The following QDPR variants were observed in gnomAD, a reference collection of about 807,000 sequenced individuals.
The protein encoded by QDPR is quinoid dihydropteridine reductase, also known as dihydropteridine reductase.
QDPR carries 23 observed loss-of-function variants against 31.7 expected under a neutral mutation model. The observed-to-expected ratio is 0.73, with a 90% CI of 0.52 to 1.03. The LOEUF (loss-of-function observed/expected upper bound fraction) is 1.03, where lower values mean the gene tolerates loss of function less well. Among genes scored for constraint, QDPR ranks in the 50% least tolerant of loss-of-function variants. The probability of loss-of-function intolerance (pLI) is 0.00; values close to 1 mark genes in which losing one functional copy is unlikely to be tolerated. For missense variants in QDPR, 324 were observed against 323.8 expected, an observed-to-expected ratio of 1.00 and a Z score of 0.00; for synonymous variants, 124 against 124.7, an observed-to-expected ratio of 0.99 and a Z score of 0.03.
In QDPR at chr4:17,486,531, A is replaced by C. The variant is rs919682064; in HGVS notation, c.*600T>G. 1 of 155,350 alleles carries C rather than the reference A, an allele frequency of 6.4e-6. No homozygotes were observed. The highest frequency in any genetic ancestry group is 1.4e-5 in the Non-Finnish European group (1 of 69,834). The allele number at this position is 155,350 out of a possible 1,614,324, so 9.6% of individuals were successfully genotyped here. On this transcript the variant is annotated 3_prime_UTR_variant, in exon 7 of 7. Coordinates refer to ENST00000281243, the MANE Select transcript of QDPR (RefSeq NM_000320.3). ...TATATAAGATGTGATTTGATTAAAG[A>C]AGACAGACAACAAGTGCATTTATTA...
intron 4 of QDPR, among the ~76,000 whole-genome samples, chr4:17,499,838 G>C (rs1203194730): frequency 6.6e-6 from 1 of 152,154 alleles, no homozygotes; most frequent in Non-Finnish European, 1.5e-5. Context: ...AGGATTGCTT[G>C]AGCCCAGGAG....
chr4:17,499,273 C>G (rs1718475080), intron 4 of QDPR, among the ~76,000 whole-genome samples: 1 of 152,194 alleles, frequency 6.6e-6, no homozygotes, highest in South Asian at 2.1e-4. Context: ...TGCACAGTTC[C>G]AGAGCCTGCA....
chr4:17,493,573 CT>C (rs377589532), intron 4 of QDPR, among the ~76,000 whole-genome samples: 3 of 152,000 alleles, frequency 2.0e-5, no homozygotes, highest in Non-Finnish European at 4.4e-5. Flanking sequence ...CAGGCAAACG[CT>C]TTTTTTATAG....
chr4:17,499,794 T>C (rs1718494951), intron 4 of QDPR, among the ~76,000 whole-genome samples: 1 of 152,046 alleles, frequency 6.6e-6, no homozygotes, highest in Non-Finnish European at 1.5e-5. Context: ...GCAGTGTGTG[T>C]CTGCAGTCCC....
chr4:17,502,251 T>C (rs983396880), intron 3 of QDPR, among the ~76,000 whole-genome samples: 8 of 152,234 alleles, frequency 5.3e-5, no homozygotes, highest in Admixed American at 3.9e-4. Context: ...GGCCTATTAC[T>C]GTACAGCTAT....
At chr4:17,502,116 C>A (rs1180465799) in intron 3 of QDPR, among the ~76,000 whole-genome samples, 2 of 152,136 alleles carry the variant, frequency 1.3e-5, no homozygotes, top group African/African-American at 4.8e-5. Flanking sequence ...ACAAAATAAA[C>A]CTGGAGTTTA....
Position 17,486,831 on chromosome 4 carries a change from AACAGTCACAAAAGCGATCCAACATG to A in QDPR, c.*275_*299del. On this transcript the variant is annotated 3_prime_UTR_variant, in exon 7 of 7. Coordinates refer to ENST00000281243, the MANE Select transcript of QDPR (RefSeq NM_000320.3). ...TGACAGCCACTGTCAAGGACAGATG[AACAGTCACAAAAGCGATCCAACATG>A]ACACCGCTATAGCAGGTGCTATGCA... 1 of 413,682 alleles carries A rather than the reference AACAGTCACAAAAGCGATCCAACATG, an allele frequency of 2.4e-6. No individual in the cohort carries two copies. The highest frequency in any genetic ancestry group is 4.5e-6 in the Non-Finnish European group (1 of 223,758). 25.6% of individuals were successfully genotyped at this position (413,682 alleles called of 1,614,324 possible).
At position 17,487,084 on chromosome 4, in the gene QDPR, GGTTA is replaced by G. The variant is rs756455772; in HGVS notation, c.*43_*46del. Reference sequence around the variant, plus strand: ...GGCTGGACAAGGCCACACTGAGACAGGTTAGTGACTTTTCTGGCAGGCCCCTCAT... The same window carrying G: ...GGCTGGACAAGGCCACACTGAGACAGGTGACTTTTCTGGCAGGCCCCTCAT... On this transcript the variant is annotated 3_prime_UTR_variant, in exon 7 of 7. Transcript: ENST00000281243. The G allele has an allele frequency of 3.4e-6, 5 of 1,458,326 alleles. No homozygotes were observed. The African/African-American group carries it at 7.0e-5, about 20-fold the overall frequency. 90.3% of individuals were successfully genotyped at this position (1,458,326 alleles called of 1,614,324 possible). A position where few individuals can be genotyped will look rare whatever the true frequency, so the allele number is the denominator to read the frequency against.
chr4:17,504,592 C>G (rs1718687131), intron 2 of QDPR, 117 bp from the exon 3 acceptor site: 3 of 817,940 alleles, frequency 3.7e-6, no homozygotes, highest in South Asian at 2.9e-5. Flanking sequence ...CAGTACCTGG[C>G]AATTAATGCT....
At position 17,487,023 on chromosome 4, in the gene QDPR, A is replaced by T; in HGVS notation, c.*108T>A. 1.2e-6 allele frequency: 1 copy of T among 852,678 alleles called. No homozygotes were observed. The highest frequency in any genetic ancestry group is 2.0e-6 in the Non-Finnish European group (1 of 499,106). 52.8% of individuals were successfully genotyped at this position (852,678 alleles called of 1,614,324 possible). ...ATGTGAGAGAAAAATAGGACTCATTATCTCGTACCACAAACAGGGGTTACA... is the reference window on the plus strand; with the variant it reads ...ATGTGAGAGAAAAATAGGACTCATTTTCTCGTACCACAAACAGGGGTTACA... On this transcript the variant is annotated 3_prime_UTR_variant, in exon 7 of 7. Transcript: ENST00000281243.
At chr4:17,511,159 T>C (rs1718991439) in intron 1 of QDPR, among the ~76,000 whole-genome samples, 1 of 152,164 alleles carries the variant, frequency 6.6e-6, no homozygotes, top group Admixed American at 6.5e-5. Flanking sequence ...TGCTGCTAAC[T>C]AAGCTCCCAG....
intron 4 of QDPR, among the ~76,000 whole-genome samples, chr4:17,500,679 G>C (rs191039647): frequency 3.2e-4 from 48 of 152,242 alleles, no homozygotes; most frequent in African/African-American, 1.1e-3. Flanking sequence ...AGAGTTATGA[G>C]AAAATAAATC....
At chr4:17,494,449 G>A (rs775720066) in intron 4 of QDPR, among the ~76,000 whole-genome samples, 7 of 152,168 alleles carry the variant, frequency 4.6e-5, no homozygotes, top group South Asian at 2.1e-4. Context: ...ATGTGCTGGC[G>A]TGATGACTCA....
chr4:17,511,620 C>A (rs1414261567), intron 1 of QDPR, among the ~76,000 whole-genome samples: 1 of 152,148 alleles, frequency 6.6e-6, no homozygotes, highest in African/African-American at 2.4e-5. Flanking sequence ...ATTCTAGAGC[C>A]TTCCTTCTAC....
In QDPR at chr4:17,486,866, T is replaced by C. The variant is rs1189352699; in HGVS notation, c.*265A>G. On this transcript the variant is annotated 3_prime_UTR_variant, in exon 7 of 7. Transcript: ENST00000281243. ...AAAGCGATCCAACATGACACCGCTA[T>C]AGCAGGTGCTATGCAGAGCCCTCCC... is the stretch of plus-strand genomic sequence containing the variant. The C allele has an allele frequency of 6.0e-6, 3 of 498,686 alleles. No homozygotes were observed. The highest frequency in any genetic ancestry group is 1.1e-5 in the Non-Finnish European group (3 of 275,142). The allele number at this position is 498,686 out of a possible 1,614,324, so 30.9% of individuals were successfully genotyped here.
At chr4:17,504,314 C>T in intron 3 of QDPR, 65 bp downstream of exon 3, 2 of 1,462,266 alleles carry the variant, frequency 1.4e-6, no homozygotes, top group Non-Finnish European at 1.9e-6. Flanking sequence ...CTAGTGCAAA[C>T]CCAATCCTTG....
chr4:17,511,839 A>G, intron 1 of QDPR, 111 bp downstream of exon 1: 5 of 1,068,740 alleles, frequency 4.7e-6, no homozygotes, highest in Non-Finnish European at 6.8e-6. Context: ...AACACGAGTC[A>G]GGGGGTGCAC....
At chr4:17,497,132 T>C (rs10000532) in intron 4 of QDPR, among the ~76,000 whole-genome samples, 5,627 of 152,198 alleles carry the variant, frequency 0.037, 363 homozygotes, top group African/African-American at 0.13. Context: ...AAAGGACACC[T>C]GAGAAGCCAT....
At position 17,493,014 on chromosome 4, in the gene QDPR, A is replaced by G. The variant is rs188035253; in HGVS notation, c.437-674T>C. On this transcript the variant is annotated intron_variant, in intron 4 of 6. Transcript: ENST00000281243. ...TCAAATCCCAGTTCCTCCACTTACC[A>G]CTAAATAAATTCTGGGAAAGTTCCC... Among the ~76,000 whole-genome samples, 166 of 152,278 alleles carry G rather than the reference A, an allele frequency of 1.1e-3. 1 individual carries two copies. Among genetic ancestry groups the G allele is most frequent in the African/African-American group, 3.7e-3 (154 of 41,552 alleles).
Sources: allele counts gnomAD v4.1 joint callset (sites outside exome capture counted in the v4.1 genomes callset), GRCh38; gene constraint gnomAD v4.1.1; transcripts MANE v1.5; gene names NCBI Gene and HGNC (gene_info 2026-07-23, HGNC 2026-07-21).